The following EPHA6 variants were observed in gnomAD, a reference collection of about 807,000 sequenced individuals.
The protein encoded by EPHA6 is ephrin type-A receptor 6.
In EPHA6, 50 loss-of-function variants were observed where a neutral mutation model predicts 112.0. The observed-to-expected ratio is 0.45, with a 90% CI of 0.36 to 0.56. The LOEUF (loss-of-function observed/expected upper bound fraction) is 0.56. EPHA6 is among the 20% of genes least tolerant of loss of function. The probability of loss-of-function intolerance (pLI) is 0.00; values close to 1 mark genes in which losing one functional copy is unlikely to be tolerated. For missense variants in EPHA6, 1,280 were observed against 1,417.4 expected (o/e 0.90, Z 1.56); for synonymous variants, 529 against 490.7 (o/e 1.08, Z -1.03).
At chr3:97,303,651 C>A (rs563950504) in intron 5 of EPHA6, among the ~76,000 whole-genome samples, 2 of 151,624 alleles carry the variant, frequency 1.3e-5, no homozygotes, top group African/African-American at 4.8e-5. Context: ...TAAAACAGGG[C>A]GAACATATAT....
chr3:97,083,484 C>A (rs1198071892), intron 3 of EPHA6, among the ~76,000 whole-genome samples: 2 of 151,944 alleles, frequency 1.3e-5, no homozygotes, highest in Non-Finnish European at 2.9e-5. Context: ...ACCACTTCTG[C>A]AAAACCTCTG....
chr3:96,923,627 T>G (rs2039886669), intron 2 of EPHA6, among the ~76,000 whole-genome samples: 1 of 152,214 alleles, frequency 6.6e-6, no homozygotes, highest in African/African-American at 2.4e-5. Context: ...ATGCAGAAGC[T>G]CTTAAGTTTA....
chr3:97,045,044 ATTGAT>A (rs1475903553), intron 3 of EPHA6, among the ~76,000 whole-genome samples: 1 of 152,086 alleles, frequency 6.6e-6, no homozygotes, highest in Non-Finnish European at 1.5e-5. Flanking sequence ...ATATGTAGTT[ATTGAT>A]TTATTTTAAT....
intron 13 of EPHA6, among the ~76,000 whole-genome samples, chr3:97,624,756 T>C (rs2093841998): frequency 6.6e-6 from 1 of 151,598 alleles, no homozygotes; most frequent in Non-Finnish European, 1.5e-5. Flanking sequence ...TTCAGGTTTT[T>C]TATTTCTTCA....
At chr3:97,742,031 C>CAAT (rs1559641586) in intron 16 of EPHA6, among the ~76,000 whole-genome samples, 1 of 152,096 alleles carries the variant, frequency 6.6e-6, no homozygotes, top group Non-Finnish European at 1.5e-5. Flanking sequence ...GTAATAGCAA[C>CAAT]AATATAGAGA....
chr3:97,165,392 A>G (rs1054262824), intron 3 of EPHA6, among the ~76,000 whole-genome samples: 9 of 152,128 alleles, frequency 5.9e-5, no homozygotes, highest in African/African-American at 2.2e-4. Flanking sequence ...CCTTCTGCAA[A>G]GTATAATGAC....
In EPHA6 at chr3:97,752,343, G is replaced by C. The variant is rs1265866723; in HGVS notation, c.*3642G>C. Reference sequence around the variant, plus strand: ...ACCACATTTCTTAAAAATGTGTTTTGGTGTCTTTTCCTACCAAATTTCTGC... The same window carrying C: ...ACCACATTTCTTAAAAATGTGTTTTCGTGTCTTTTCCTACCAAATTTCTGC... On this transcript the variant is annotated 3_prime_UTR_variant, in exon 18 of 18. Coordinates refer to ENST00000389672, the MANE Select transcript of EPHA6 (RefSeq NM_001080448.3). 1 of 224,096 alleles carries C rather than the reference G, an allele frequency of 4.5e-6. No individual in the cohort carries two copies. The allele number at this position is 224,096 out of a possible 1,614,324, so 13.9% of individuals were successfully genotyped here.
chr3:97,502,832 CAAA>C (rs397990595), intron 10 of EPHA6, among the ~76,000 whole-genome samples: 2 of 35,880 alleles, frequency 5.6e-5, no homozygotes, highest in African/African-American at 9.8e-5. Flanking sequence ...GACTCTGTCT[CAAA>C]AAAAAAAAAA....
intron 5 of EPHA6, among the ~76,000 whole-genome samples, chr3:97,369,638 C>T (rs905620200): frequency 2.6e-5 from 4 of 152,132 alleles, no homozygotes; most frequent in Non-Finnish European, 5.9e-5. Flanking sequence ...ATTCCTTGCT[C>T]ACGGGACTTC....
chr3:97,054,762 T>G lies in EPHA6; in HGVS notation c.1114+66769T>G, dbSNP rs530789458. ...TCCTTTTCTAATTTTTACCTGATAC[T>G]AAATTTTATTTAGCCTGTTTTATAT... On this transcript the variant is annotated intron_variant, in intron 3 of 17. Coordinates refer to ENST00000389672, the MANE Select transcript of EPHA6 (RefSeq NM_001080448.3). 3.1e-4 allele frequency among the ~76,000 whole-genome samples: 47 copies of G among 152,254 alleles called. No individual in the cohort carries two copies. The South Asian group carries it at 9.3e-3, about 30-fold the overall frequency.
chr3:96,820,802 T>A (rs911722114), intron 1 of EPHA6, among the ~76,000 whole-genome samples: 1 of 152,034 alleles, frequency 6.6e-6, no homozygotes, highest in African/African-American at 2.4e-5. Flanking sequence ...TATATGTAGT[T>A]ATTTTTTGTC....
chr3:97,553,516 G>A (rs919396129), intron 11 of EPHA6, among the ~76,000 whole-genome samples: 4 of 152,040 alleles, frequency 2.6e-5, no homozygotes, highest in African/African-American at 9.7e-5. Flanking sequence ...AGTAAGCAAG[G>A]CACATCTTAC....
At chr3:97,004,683 G>A (rs2043807713) in intron 3 of EPHA6, among the ~76,000 whole-genome samples, 1 of 152,068 alleles carries the variant, frequency 6.6e-6, no homozygotes, top group African/African-American at 2.4e-5. Flanking sequence ...TGTTGCAGTT[G>A]CTTTTGGCAT....
In EPHA6 at chr3:96,937,834, A is replaced by T. The variant is rs569719021; in HGVS notation, c.451-49496A>T. Among the ~76,000 whole-genome samples, 978 of 152,258 alleles carry T rather than the reference A, an allele frequency of 6.4e-3. 5 individuals carry two copies. Among genetic ancestry groups the T allele is most frequent in the African/African-American group, 0.021 (883 of 41,566 alleles). On this transcript the variant is annotated intron_variant, in intron 2 of 17. Transcript: ENST00000389672. ...TTCAGCTTTCTACATATGGCTAGCC[A>T]GTTTTCCCAGCACCATTTATTAAAT...
chr3:97,583,705 T>G (rs955392675), intron 11 of EPHA6, among the ~76,000 whole-genome samples: 24 of 152,234 alleles, frequency 1.6e-4, no homozygotes, highest in African/African-American at 5.8e-4. Flanking sequence ...CAGATGTCAC[T>G]TCTTCATAAG....
chr3:97,062,154 A>G (rs938921368), intron 3 of EPHA6, among the ~76,000 whole-genome samples: 2 of 152,174 alleles, frequency 1.3e-5, no homozygotes, highest in African/African-American at 4.8e-5. Flanking sequence ...TATGCAGCCT[A>G]TAGTTGTGAT....
At chr3:97,571,149 C>T (rs1239556643) in intron 11 of EPHA6, among the ~76,000 whole-genome samples, 1 of 152,086 alleles carries the variant, frequency 6.6e-6, no homozygotes, top group Non-Finnish European at 1.5e-5. Flanking sequence ...TATGTCACGG[C>T]AAGGAGTCAG....
Position 97,716,395 on chromosome 3 carries a change from C to T in EPHA6, c.2785-3866C>T, listed in dbSNP as rs1271096032. Reference sequence around the variant, plus strand: ...CATCCTGGCTAACAAGGTGAAACCCCGTCTCTACTAAAAATACAAAAAATT... The same window carrying T: ...CATCCTGGCTAACAAGGTGAAACCCTGTCTCTACTAAAAATACAAAAAATT... On this transcript the variant is annotated intron_variant, in intron 14 of 17. Coordinates refer to ENST00000389672, the MANE Select transcript of EPHA6 (RefSeq NM_001080448.3). Among the ~76,000 whole-genome samples, 4 of 131,060 alleles carry T rather than the reference C, an allele frequency of 3.1e-5. 1 individual carries two copies. Among genetic ancestry groups the T allele is most frequent in the African/African-American group, 1.2e-4 (3 of 24,486 alleles). The allele number at this position is 131,060 out of a possible 152,430, so 86.0% of individuals were successfully genotyped here.
At chr3:97,403,249 TAAG>T (rs1451595968) in intron 5 of EPHA6, among the ~76,000 whole-genome samples, 3 of 152,194 alleles carry the variant, frequency 2.0e-5, no homozygotes, top group African/African-American at 7.2e-5. Context: ...AATTTTTAAA[TAAG>T]AAAAAAGTTT....
Sources: gnomAD v4.1 joint callset for allele counts (sites outside exome capture counted in the v4.1 genomes callset) on GRCh38, gnomAD v4.1.1 for gene constraint, MANE v1.5 for transcripts, NCBI Gene and HGNC (gene_info 2026-07-23, HGNC 2026-07-21) for gene names.